Variants in LMTK2 observed in about 807,000 individuals in gnomAD.
LMTK2 encodes the protein lemur tail kinase 2.
In LMTK2, 37 loss-of-function variants were observed where a neutral mutation model predicts 127.5. The observed-to-expected ratio is 0.29, with a 90% CI of 0.22 to 0.38. LMTK2 has a LOEUF of 0.38. LMTK2 is among the 10% of genes least tolerant of loss of function. The pLI is 1.00. For synonymous variants in LMTK2, 819 were observed against 810.1 expected (o/e 1.01, Z -0.19); for missense variants, 1,694 against 1,920.3 (o/e 0.88, Z 2.20).
chr7:98,174,606 T>C (rs930852650), intron 7 of LMTK2, among the ~76,000 whole-genome samples: 1 of 152,198 alleles, frequency 6.6e-6, no homozygotes, highest in Non-Finnish European at 1.5e-5. Context: ...GGGGTTCTCA[T>C]GGGCGGCCTG....
chr7:98,175,550 C>T (rs1177150736), intron 7 of LMTK2, among the ~76,000 whole-genome samples: 1 of 152,194 alleles, frequency 6.6e-6, no homozygotes, highest in Non-Finnish European at 1.5e-5. Flanking sequence ...CACTATTGCA[C>T]CTCAGCTTAG....
In LMTK2 at chr7:98,171,890, A is replaced by T. The variant is rs1797197997; in HGVS notation, c.791+216A>T. On this transcript the variant is annotated intron_variant, in intron 7 of 13. Coordinates refer to ENST00000297293, the MANE Select transcript of LMTK2 (RefSeq NM_014916.4). This position sits in a 1 kb window ranked among gnomAD's most constrained non-coding sequence, Gnocchi z 5.1. Reference sequence around the variant, plus strand: ...GGGAATAAGATGTCTTAATACATTTATTATTTCCAGCATTTCAAAGAATGT... The same window carrying T: ...GGGAATAAGATGTCTTAATACATTTTTTATTTCCAGCATTTCAAAGAATGT... 6.6e-6 allele frequency among the ~76,000 whole-genome samples: 1 copy of T among 152,224 alleles called. No homozygotes were observed. The highest frequency in any genetic ancestry group is 2.4e-5 in the African/African-American group (1 of 41,452).
chr7:98,175,940 A>G (rs939982446), intron 7 of LMTK2, among the ~76,000 whole-genome samples: 28 of 152,256 alleles, frequency 1.8e-4, no homozygotes, highest in African/African-American at 6.8e-4. Context: ...ATTCCGGACC[A>G]TAAAGAAGAC....
chr7:98,194,441 G>A lies in LMTK2; in HGVS notation c.3976G>A (p.Asp1326Asn), dbSNP rs373561525. 2.9e-5 allele frequency: 47 copies of A among 1,614,024 alleles called. No homozygotes were observed. Among genetic ancestry groups the A allele is most frequent in the Non-Finnish European group, 3.8e-5 (45 of 1,180,048 alleles). ...HPVPIILSNE[D>N]GRHLRSLLKP... The stretch of plus-strand genomic sequence containing the variant: ...CGTGCCCATCATCCTCAGCAACGAG[G>A]ACGGAAGGCACCTGCGGAGTCTGTT... Residue 1326 changes from aspartate to asparagine, a missense_variant, in exon 11 of 14, where the codon GAC (aspartate) becomes AAC (asparagine). Asp to Asn is a conservative substitution (Grantham distance 23). Transcript: ENST00000297293. The surrounding 1 kb of genome is among the most constrained non-coding windows in gnomAD (Gnocchi z 5.4).
In LMTK2 at chr7:98,193,840, A is replaced by T. The variant is rs749778138; in HGVS notation, c.3375A>T (p.Pro1125=). 6 of 1,613,994 alleles carry T rather than the reference A, an allele frequency of 3.7e-6. No homozygotes were observed. In the East Asian group the frequency reaches 1.3e-4, roughly 36 times the overall value. The part of the protein sequence containing the change: ...KRSEEVPGTS[P]SALVLVQEQP... ...CTGAGGAGGTCCCGGGAACCTCCCCATCCGCCTTGGTGTTGGTACAGGAGC... is the reference window on the plus strand; with the variant it reads ...CTGAGGAGGTCCCGGGAACCTCCCCTTCCGCCTTGGTGTTGGTACAGGAGC... Residue 1125 remains proline, a synonymous_variant, in exon 11 of 14, where the codon CCA becomes CCT. Transcript: ENST00000297293. The surrounding 1 kb of genome is among the most constrained non-coding windows in gnomAD (Gnocchi z 4.1).
intron 6 of LMTK2, among the ~76,000 whole-genome samples, chr7:98,168,090 A>G (rs1409701704): frequency 1.3e-5 from 2 of 151,902 alleles, no homozygotes; most frequent in Admixed American, 6.6e-5. Context: ...GATGGTGGCA[A>G]GGGGTTCCTG....
At position 98,203,648 on chromosome 7, in the gene LMTK2, C is replaced by T. The variant is rs1162724111; in HGVS notation, c.4182C>T (p.Ala1394=). 1 of 1,613,792 alleles carries T rather than the reference C, an allele frequency of 6.2e-7. No individual in the cohort carries two copies. The highest frequency in any genetic ancestry group is 2.2e-5 in the East Asian group (1 of 44,854). ...CGGACCTGAGCGGCCCAGCCCCAGC[C>T]TCAGGCTCTCCCTACCTGAGCAGGT... ...CGPDLSGPAP[A]SGSPYLSRCI... Residue 1394 remains alanine (A), a synonymous_variant, in exon 12 of 14, where the codon GCC becomes GCT. Coordinates refer to ENST00000297293, the MANE Select transcript of LMTK2 (RefSeq NM_014916.4).
In LMTK2 at chr7:98,193,722, A is replaced by C. The variant is rs1797575703; in HGVS notation, c.3257A>C (p.Glu1086Ala). The C allele has an allele frequency of 6.2e-7, 1 of 1,613,892 alleles. No individual in the cohort carries two copies. Among genetic ancestry groups the C allele is most frequent in the African/African-American group, 1.3e-5 (1 of 75,010 alleles). ...SDAGDGHRGT[E>A]VTPETFTAGS... Reference sequence around the variant, plus strand: ...GCCGGCGATGGTCACAGAGGCACAGAAGTGACCCCTGAGACGTTCACAGCT... The same window carrying C: ...GCCGGCGATGGTCACAGAGGCACAGCAGTGACCCCTGAGACGTTCACAGCT... The change falls in exon 11 of 14, where the codon GAA (glutamate) becomes GCA (alanine). Residue 1086 changes from glutamate to alanine, a missense_variant. Glu to Ala is a moderately radical substitution (Grantham distance 107). This residue lies in a region of LMTK2 where 554 missense variants were observed against 567.7 expected (regional missense o/e 0.98). Coordinates refer to ENST00000297293, the MANE Select transcript of LMTK2 (RefSeq NM_014916.4). The surrounding 1 kb of genome is among the most constrained non-coding windows in gnomAD (Gnocchi z 4.1).
chr7:98,109,481 C>T (rs1057449605), intron 1 of LMTK2, among the ~76,000 whole-genome samples: 3 of 152,080 alleles, frequency 2.0e-5, no homozygotes, highest in African/African-American at 4.8e-5. Flanking sequence ...CAGTGGATCA[C>T]ACCTGTAATC....
At chr7:98,157,254 TAGGTA>T (rs1796938471) in intron 5 of LMTK2, among the ~76,000 whole-genome samples, 1 of 2,358 alleles carries the variant, frequency 4.2e-4, no homozygotes, top group African/African-American at 1.9e-3. Context: ...CCTGTCTCGG[TAGGTA>T]GGTAGGTAGG....
intron 2 of LMTK2, among the ~76,000 whole-genome samples, chr7:98,138,646 G>A (rs1796631637): frequency 6.6e-6 from 1 of 152,216 alleles, no homozygotes; most frequent in Non-Finnish European, 1.5e-5. Flanking sequence ...GACAGTTTGT[G>A]TCCCTTGCTT....
chr7:98,194,561 C>CT lies in LMTK2; in HGVS notation c.4097dup (p.Phe1367ValfsTer2). On this transcript the variant is annotated frameshift_variant, in exon 11 of 14. Transcript: ENST00000297293. LOFTEE classifies it high-confidence loss of function. The surrounding 1 kb of genome is among the most constrained non-coding windows in gnomAD (Gnocchi z 5.4). ...GTTTTTCGATGATGTCACAGTCTAC[C>CT]TGTTTGACCAGGTATCTGTTCCCTC... 6.2e-7 allele frequency: 1 copy of CT among 1,604,474 alleles called. No homozygotes were observed. Among genetic ancestry groups the CT allele is most frequent in the Non-Finnish European group, 8.5e-7 (1 of 1,179,230 alleles).
chr7:98,159,531 C>T, intron 6 of LMTK2, 106 bp downstream of exon 6: 1 of 751,130 alleles, frequency 1.3e-6, no homozygotes, highest in Non-Finnish European at 2.4e-6. Flanking sequence ...GTCTGTCCCC[C>T]ACTTGAAGAA....
chr7:98,130,204 T>C (rs371742421), intron 1 of LMTK2, among the ~76,000 whole-genome samples: 1 of 151,954 alleles, frequency 6.6e-6, no homozygotes, highest in Non-Finnish European at 1.5e-5. Flanking sequence ...GAGTCGGGGC[T>C]GGGAGGTCAG....
intron 7 of LMTK2, among the ~76,000 whole-genome samples, chr7:98,174,013 G>A (rs1262491040): frequency 6.6e-6 from 1 of 150,930 alleles, no homozygotes; most frequent in Non-Finnish European, 1.5e-5. Flanking sequence ...CCGAGATCAT[G>A]CCACTGCACT....
At chr7:98,132,395 C>T (rs558923792) in intron 1 of LMTK2, among the ~76,000 whole-genome samples, 79 of 152,180 alleles carry the variant, frequency 5.2e-4, no homozygotes, top group Non-Finnish European at 9.4e-4. Flanking sequence ...GGACCACAGG[C>T]GCGCGGCACC....
At chr7:98,108,799 G>C (rs1378120698) in intron 1 of LMTK2, among the ~76,000 whole-genome samples, 1 of 151,264 alleles carries the variant, frequency 6.6e-6, no homozygotes, top group Non-Finnish European at 1.5e-5. Context: ...CACTTAATTG[G>C]ATTTTTATAT....
intron 3 of LMTK2, among the ~76,000 whole-genome samples, chr7:98,142,553 A>C (rs1308791177): frequency 6.6e-6 from 1 of 152,174 alleles, no homozygotes; most frequent in Non-Finnish European, 1.5e-5. Flanking sequence ...AAATGGAAAT[A>C]TTTTATTGTT....
In LMTK2 at chr7:98,190,247, C is replaced by T. The variant is rs550331813; in HGVS notation, c.999-481C>T. 3.3e-5 allele frequency among the ~76,000 whole-genome samples: 5 copies of T among 152,268 alleles called. No individual in the cohort carries two copies. The East Asian group carries it at 9.6e-4, about 29-fold the overall frequency. On this transcript the variant is annotated intron_variant, in intron 9 of 13. Coordinates refer to ENST00000297293, the MANE Select transcript of LMTK2 (RefSeq NM_014916.4). ...CTTCCTCATTTTAACAGAAATGCCT[C>T]TTTTTTTGCTATTGTGCTGTTGATT...
Sources: allele counts gnomAD v4.1 joint callset (sites outside exome capture counted in the v4.1 genomes callset), GRCh38; gene constraint gnomAD v4.1.1; regional missense constraint gnomAD v4.1.1; non-coding constraint Gnocchi (gnomAD v3.1); transcripts MANE v1.5; gene names NCBI Gene and HGNC (gene_info 2026-07-23, HGNC 2026-07-21).